SMARCC1: variants seen among roughly 807,000 people sequenced by gnomAD.
SMARCC1 encodes the protein SWI/SNF complex subunit SMARCC1.
SMARCC1 carries 43 observed loss-of-function variants against 147.4 expected under a neutral mutation model. The observed-to-expected ratio is 0.29, with a 90% confidence interval of 0.23 to 0.38. The LOEUF is 0.38. Ranked by LOEUF, SMARCC1 falls within the 10% of genes least tolerant of loss-of-function variation. The pLI is 1.00. For synonymous variants in SMARCC1, 495 were observed against 484.4 expected, an observed-to-expected ratio of 1.02 and a Z score of -0.29; for missense variants, 1,119 against 1,381.1, an observed-to-expected ratio of 0.81 and a Z score of 3.01.
intron 6 of SMARCC1, among the ~76,000 whole-genome samples, chr3:47,728,787 T>C (rs1349573334): frequency 1.3e-5 from 2 of 152,092 alleles, no homozygotes; most frequent in African/African-American, 2.4e-5. Context: ...GGTGGGCGCC[T>C]ATATTCCCAG....
chr3:47,724,455 C>T (rs1362752866), intron 6 of SMARCC1, among the ~76,000 whole-genome samples: 1 of 152,150 alleles, frequency 6.6e-6, no homozygotes, highest in Non-Finnish European at 1.5e-5. Flanking sequence ...GAATGGTAGT[C>T]AAAAGCAGTA....
At chr3:47,771,143 T>C (rs541539173) in intron 2 of SMARCC1, among the ~76,000 whole-genome samples, 1 of 152,096 alleles carries the variant, frequency 6.6e-6, no homozygotes, top group Non-Finnish European at 1.5e-5. Flanking sequence ...TCTCCTGACA[T>C]CGTGATCCGC....
intron 2 of SMARCC1, among the ~76,000 whole-genome samples, chr3:47,762,356 A>G (rs1400415122): frequency 6.6e-6 from 1 of 152,220 alleles, no homozygotes; most frequent in Non-Finnish European, 1.5e-5. Flanking sequence ...TTAAAGTGAC[A>G]GTCCTCCAAC....
intron 7 of SMARCC1, among the ~76,000 whole-genome samples, chr3:47,718,138 C>CA (rs71070217): frequency 0.072 from 3,847 of 53,136 alleles, 307 homozygotes; most frequent in African/African-American, 0.22. Flanking sequence ...GACCTTGTCT[C>CA]AAAAAAAAAA....
chr3:47,736,057 T>C lies in SMARCC1; in HGVS notation c.553A>G (p.Lys185Glu). 6.3e-7 allele frequency: 1 copy of C among 1,591,072 alleles called. No individual in the cohort carries two copies. The change falls in exon 5 of 28, where the codon AAA becomes GAA. Residue 185 changes from lysine to glutamate, a missense_variant. Lys to Glu is a moderately conservative substitution (Grantham distance 56). This residue lies in a region of SMARCC1 where 542 missense variants were observed against 611.8 expected (regional missense o/e 0.89). Transcript: ENST00000254480. ...DIDLKLANKL[K>E]DIIKRHQGTF... is the part of the protein sequence containing the mutation. ...ACCTGATGTCGTTTGATGATATCTTTCAATTTGTTAGCCAACTTCAGATCA... is the reference window on the plus strand; with the variant it reads ...ACCTGATGTCGTTTGATGATATCTTCCAATTTGTTAGCCAACTTCAGATCA...
intron 24 of SMARCC1, among the ~76,000 whole-genome samples, chr3:47,630,434 CCT>C: frequency 6.6e-6 from 1 of 152,176 alleles, no homozygotes; most frequent in East Asian, 1.9e-4. Context: ...GTTGGGGACC[CCT>C]GATATATGGA....
chr3:47,668,206 G>C (rs2033448297), intron 19 of SMARCC1, among the ~76,000 whole-genome samples: 1 of 151,828 alleles, frequency 6.6e-6, no homozygotes, highest in South Asian at 2.1e-4. Flanking sequence ...ACTTATTCTT[G>C]TTGTGCTGTT....
At chr3:47,762,243 G>A (rs2034781876) in intron 2 of SMARCC1, among the ~76,000 whole-genome samples, 1 of 152,122 alleles carries the variant, frequency 6.6e-6, no homozygotes, top group Admixed American at 6.6e-5. Context: ...TACTCCCCAG[G>A]AAATAATTAT....
intron 8 of SMARCC1, among the ~76,000 whole-genome samples, chr3:47,712,467 G>A (rs373524708): frequency 6.6e-6 from 1 of 151,938 alleles, no homozygotes; most frequent in East Asian, 1.9e-4. Context: ...TAACTACTGA[G>A]AAATCCTTGA....
intron 6 of SMARCC1, 26 bp downstream of exon 6, chr3:47,728,999 C>T: frequency 6.6e-7 from 1 of 1,515,804 alleles, no homozygotes. Flanking sequence ...ATGAGCTCAT[C>T]TGTTCACAAC....
chr3:47,603,477 G>A (rs899761891), intron 26 of SMARCC1: 1 of 152,190 alleles, frequency 6.6e-6, no homozygotes, highest in Non-Finnish European at 1.5e-5. Context: ...CCTCCTGCTT[G>A]AGTAAGCAGC....
At chr3:47,675,445 T>C (rs748291178) in intron 18 of SMARCC1, 30 bp downstream of exon 18, 10 of 1,052,668 alleles carry the variant, frequency 9.5e-6, no homozygotes, top group South Asian at 2.5e-5. Context: ...ATGTGCTGGA[T>C]TGCAGCCCAT....
At position 47,729,020 on chromosome 3, in the gene SMARCC1, C is replaced by T; in HGVS notation, c.646+5G>A. Reference sequence around the variant, plus strand: ...TCATCTGTTCACAACGCAAAACTAACTTACCATCGTCTTGTGAGGAAGAAT... The same window carrying T: ...TCATCTGTTCACAACGCAAAACTAATTTACCATCGTCTTGTGAGGAAGAAT... On this transcript the variant is annotated splice_donor_5th_base_variant and intron_variant, in intron 6 of 27. Coordinates refer to ENST00000254480, the MANE Select transcript of SMARCC1 (RefSeq NM_003074.4). 6.2e-7 allele frequency: 1 copy of T among 1,603,188 alleles called. No individual in the cohort carries two copies. Among genetic ancestry groups the T allele is most frequent in the Non-Finnish European group, 8.5e-7 (1 of 1,171,310 alleles).
intron 6 of SMARCC1, among the ~76,000 whole-genome samples, chr3:47,724,296 A>G (rs896187082): frequency 2.0e-5 from 3 of 152,234 alleles, no homozygotes; most frequent in Admixed American, 6.5e-5. Context: ...AAAATGGTAT[A>G]CAAATATAAT....
chr3:47,621,806 A>C (rs1456598824), intron 25 of SMARCC1, among the ~76,000 whole-genome samples: 2 of 151,956 alleles, frequency 1.3e-5, no homozygotes, highest in Non-Finnish European at 2.9e-5. Flanking sequence ...TCTAAAATAA[A>C]AATTAAAACT....
At chr3:47,676,900 T>A (rs1010231038) in intron 16 of SMARCC1, 118 bp from the exon 17 acceptor site, 1 of 812,764 alleles carries the variant, frequency 1.2e-6, no homozygotes, top group African/African-American at 1.7e-5. Flanking sequence ...CTCAGCAGGC[T>A]GTCAAACATC....
intron 1 of SMARCC1, 110 bp downstream of exon 1, chr3:47,781,493 T>C (rs1201686134): frequency 3.2e-5 from 23 of 707,960 alleles, no homozygotes; most frequent in South Asian, 5.2e-5. Context: ...CTGCCTTTGT[T>C]GTCCCTCGTG....
intron 3 of SMARCC1, among the ~76,000 whole-genome samples, chr3:47,743,897 C>A (rs1286909653): frequency 6.6e-6 from 1 of 151,580 alleles, no homozygotes; most frequent in Non-Finnish European, 1.5e-5. Context: ...AAAATCATAT[C>A]ACTTTGGTAT....
intron 18 of SMARCC1, among the ~76,000 whole-genome samples, chr3:47,672,354 C>T (rs554110635): frequency 1.3e-5 from 2 of 152,152 alleles, no homozygotes; most frequent in South Asian, 2.1e-4. Context: ...TACAGGCGCC[C>T]GCCAACACGC....
Sources: gnomAD v4.1 joint callset for allele counts (sites outside exome capture counted in the v4.1 genomes callset) on GRCh38, gnomAD v4.1.1 for gene constraint, gnomAD v4.1.1 regional missense constraint, MANE v1.5 for transcripts, NCBI Gene and HGNC (gene_info 2026-07-23, HGNC 2026-07-21) for gene names.